Variants in GFRA1 observed in about 807,000 individuals in gnomAD.
GFRA1 encodes GDNF family receptor alpha-1.
In GFRA1, 16 loss-of-function variants were observed where a neutral mutation model predicts 51.6. That is an observed-to-expected ratio of 0.31 (90% CI 0.21 to 0.47). The LOEUF (loss-of-function observed/expected upper bound fraction) is 0.47, where lower values mean the gene tolerates loss of function less well. Ranked by LOEUF, GFRA1 falls within the 20% of genes least tolerant of loss-of-function variation. GFRA1 has a pLI of 1.00. For missense variants in GFRA1, 530 were observed against 594.3 expected (o/e 0.89, Z 1.13); for synonymous variants, 270 against 241.3 (o/e 1.12, Z -1.10).
rs147857880 is a variant in GFRA1 at position 116,058,041 on chromosome 10, T to A, written c.*6357A>T. ...GTGTGTGTGTGTGTGTGTGTGTGTGTGACAGAGAGAACCACGCTTTATTGG... is the reference window on the plus strand; with the variant it reads ...GTGTGTGTGTGTGTGTGTGTGTGTGAGACAGAGAGAACCACGCTTTATTGG... On this transcript the variant is annotated 3_prime_UTR_variant, in exon 11 of 11. Transcript: ENST00000355422. 0.046 allele frequency: 5,015 copies of A among 108,384 alleles called. 233 individuals carry two copies. Among genetic ancestry groups the A allele is most frequent in the East Asian group, 0.16 (432 of 2,740 alleles). The allele number at this position is 108,384 out of a possible 1,614,324, so 6.7% of individuals were successfully genotyped here.
At chr10:116,202,024 C>T (rs971362177) in intron 5 of GFRA1, among the ~76,000 whole-genome samples, 2 of 152,334 alleles carry the variant, frequency 1.3e-5, no homozygotes, top group African/African-American at 2.4e-5. Flanking sequence ...TCAGCCCACA[C>T]AAAACACCGA....
At chr10:116,155,474 G>C (rs997559780) in intron 5 of GFRA1, among the ~76,000 whole-genome samples, 1 of 152,156 alleles carries the variant, frequency 6.6e-6, no homozygotes, top group Non-Finnish European at 1.5e-5. Context: ...CAAGCAGCTA[G>C]AGAAGGCCTC....
rs757890003 is a variant in GFRA1, at chr10:116,184,037, C to T, written c.433+27594G>A. 3.9e-5 allele frequency among the ~76,000 whole-genome samples: 6 copies of T among 152,218 alleles called. No individual in the cohort carries two copies. In the East Asian group the frequency reaches 5.8e-4, roughly 15 times the overall value. ...GGCACTGGCTGCTGGAAGTGCTTCC[C>T]GAGGCTGCATGGAACATTTTCACAA... On this transcript the variant is annotated intron_variant, in intron 5 of 10. Transcript: ENST00000355422.
chr10:116,252,419 C>T (rs956911204), intron 4 of GFRA1, among the ~76,000 whole-genome samples: 1 of 152,218 alleles, frequency 6.6e-6, no homozygotes, highest in South Asian at 2.1e-4. Flanking sequence ...GGTCAATTGC[C>T]GCCCTCACAC....
intron 5 of GFRA1, among the ~76,000 whole-genome samples, chr10:116,186,845 T>G (rs1193820520): frequency 1.3e-5 from 2 of 152,154 alleles, no homozygotes; most frequent in East Asian, 3.9e-4. Context: ...TTCACTGCAA[T>G]TCATACCCCG....
At chr10:116,146,799 A>G (rs955834814) in intron 5 of GFRA1, among the ~76,000 whole-genome samples, 1 of 152,120 alleles carries the variant, frequency 6.6e-6, no homozygotes, top group African/African-American at 2.4e-5. Context: ...GAAAGCTCAG[A>G]GTGAAAAGCG....
intron 5 of GFRA1, among the ~76,000 whole-genome samples, chr10:116,190,211 A>T (rs2251029): frequency 0.12 from 17,505 of 152,198 alleles, 1,045 homozygotes; most frequent in East Asian, 0.18. Context: ...ATTCCCCTGC[A>T]CTCATAAAGC....
At chr10:116,224,333 C>T (rs539857223) in intron 4 of GFRA1, among the ~76,000 whole-genome samples, 35 of 152,282 alleles carry the variant, frequency 2.3e-4, no homozygotes, top group African/African-American at 7.9e-4. Flanking sequence ...CCAGCAATTC[C>T]ACTCCTGGGT....
Position 116,186,566 on chromosome 10 carries a change from CTCTTA to C in GFRA1, c.433+25060_433+25064del, listed in dbSNP as rs1437153159. On this transcript the variant is annotated intron_variant, in intron 5 of 10. Coordinates refer to ENST00000355422, the MANE Select transcript of GFRA1 (RefSeq NM_005264.8). Reference sequence around the variant, plus strand: ...TTATCTGCATAAGGCAGAGGAAAGGCTCTTAAAAAAAAAAAAAAAAAAAAGGCAAG... The same window carrying C: ...TTATCTGCATAAGGCAGAGGAAAGGCAAAAAAAAAAAAAAAAAAAGGCAAG... 7.0e-4 allele frequency among the ~76,000 whole-genome samples: 53 copies of C among 76,034 alleles called. 1 individual carries two copies. Among genetic ancestry groups the C allele is most frequent in the African/African-American group, 2.1e-3 (53 of 25,046 alleles). The allele number at this position is 76,034 out of a possible 152,430, so 49.9% of individuals were successfully genotyped here. A position where few individuals can be genotyped will look rare whatever the true frequency, so the allele number is the denominator to read the frequency against.
chr10:116,251,024 C>T (rs924334835), intron 4 of GFRA1, among the ~76,000 whole-genome samples: 3 of 152,238 alleles, frequency 2.0e-5, no homozygotes, highest in Admixed American at 6.5e-5. Flanking sequence ...AAGTCACCTC[C>T]TCAGAGAGGC....
intron 5 of GFRA1, among the ~76,000 whole-genome samples, chr10:116,205,926 TCACACACACACACACACA>T (rs55780139): frequency 3.5e-5 from 5 of 142,582 alleles, no homozygotes; most frequent in East Asian, 2.2e-4. Context: ...TTTCCTCATA[TCACACACACACACACACA>T]CACACACACA....
intron 5 of GFRA1, among the ~76,000 whole-genome samples, chr10:116,147,835 C>T (rs147412130): frequency 2.9e-3 from 441 of 152,172 alleles, no homozygotes; most frequent in Admixed American, 6.7e-3. Context: ...TCAAACCTCA[C>T]GCACGCTCCT....
At chr10:116,215,325 A>T (rs1342297920) in intron 4 of GFRA1, among the ~76,000 whole-genome samples, 1 of 152,204 alleles carries the variant, frequency 6.6e-6, no homozygotes, top group African/African-American at 2.4e-5. Context: ...GTCAAAGGAT[A>T]TTAGCCATTG....
At chr10:116,218,538 G>A (rs937189561) in intron 4 of GFRA1, among the ~76,000 whole-genome samples, 3 of 152,168 alleles carry the variant, frequency 2.0e-5, no homozygotes, top group Non-Finnish European at 4.4e-5. Flanking sequence ...CCAGAGTCCA[G>A]AGCTCCTCCA....
intron 4 of GFRA1, among the ~76,000 whole-genome samples, chr10:116,215,105 G>A (rs1271348908): frequency 1.3e-5 from 2 of 152,114 alleles, no homozygotes; most frequent in South Asian, 2.1e-4. Flanking sequence ...GTGGTCTGAG[G>A]TATATAAATC....
chr10:116,214,574 A>C (rs1166591436), intron 4 of GFRA1, among the ~76,000 whole-genome samples: 1 of 152,268 alleles, frequency 6.6e-6, no homozygotes, highest in Non-Finnish European at 1.5e-5. Context: ...ACCTTAATGA[A>C]GCACAAAAGC....
At chr10:116,218,185 C>T (rs1037992399) in intron 4 of GFRA1, among the ~76,000 whole-genome samples, 1 of 152,154 alleles carries the variant, frequency 6.6e-6, no homozygotes, top group South Asian at 2.1e-4. Flanking sequence ...ACCTTTGTTT[C>T]GGGTACCACT....
At chr10:116,106,032 G>T (rs1358983851) in intron 6 of GFRA1, among the ~76,000 whole-genome samples, 1 of 152,154 alleles carries the variant, frequency 6.6e-6, no homozygotes, top group East Asian at 1.9e-4. Flanking sequence ...GTGGAATAGG[G>T]AGGCAAGTGA....
In GFRA1 at chr10:116,152,491, G is replaced by T. The variant is rs554219906; in HGVS notation, c.434-26934C>A. The stretch of plus-strand genomic sequence containing the variant: ...AGTAGGGGCAAGAGGCCCAGCAGAG[G>T]GCAGGGACCAGAATCTTAAGCAACC... On this transcript the variant is annotated intron_variant, in intron 5 of 10. Transcript: ENST00000355422. Among the ~76,000 whole-genome samples the T allele has an allele frequency of 2.0e-5, 3 of 152,224 alleles. No homozygotes were observed. The East Asian group carries it at 5.8e-4, about 29-fold the overall frequency.
Sources: allele counts gnomAD v4.1 joint callset (sites outside exome capture counted in the v4.1 genomes callset), GRCh38; gene constraint gnomAD v4.1.1; transcripts MANE v1.5; gene names NCBI Gene and HGNC (gene_info 2026-07-23, HGNC 2026-07-21).